Variants in NDUFAF2 observed in about 807,000 individuals in gnomAD.
NDUFAF2 encodes NADH:ubiquinone oxidoreductase complex assembly factor 2, also known as NADH dehydrogenase [ubiquinone] 1 alpha subcomplex assembly factor 2.
Under a neutral mutation model 22.8 loss-of-function variants are expected in NDUFAF2, and 13 were observed. The observed-to-expected ratio is 0.57, with a 90% CI of 0.37 to 0.91. NDUFAF2 has a LOEUF of 0.91. NDUFAF2 is among the 40% of genes least tolerant of loss of function. The pLI is 0.01. For missense variants in NDUFAF2, 162 were observed against 195.2 expected (o/e 0.83, Z 1.01); for synonymous variants, 53 against 64.2 (o/e 0.83, Z 0.84).
chr5:61,033,015 T>C (rs1296792569), intron 1 of NDUFAF2, among the ~76,000 whole-genome samples: 2 of 152,216 alleles, frequency 1.3e-5, no homozygotes, highest in African/African-American at 4.8e-5. Context: ...TTTCATGATA[T>C]TGAGTCTTCC....
chr5:60,997,463 A>T (rs574650206), intron 1 of NDUFAF2, among the ~76,000 whole-genome samples: 42 of 152,322 alleles, frequency 2.8e-4, no homozygotes, highest in African/African-American at 9.4e-4. Context: ...CATATAAGGG[A>T]TTGTTTAGAT....
chr5:61,020,036 A>G (rs1159754744), intron 1 of NDUFAF2, among the ~76,000 whole-genome samples: 1 of 152,080 alleles, frequency 6.6e-6, no homozygotes, highest in Non-Finnish European at 1.5e-5. Flanking sequence ...TCTTTGATCC[A>G]TTTTGATAAT....
At chr5:61,129,759 T>C in intron 3 of NDUFAF2, among the ~76,000 whole-genome samples, 1 of 152,116 alleles carries the variant, frequency 6.6e-6, no homozygotes. Flanking sequence ...ACCTGCACGT[T>C]GTACACATGT....
At chr5:61,041,756 T>C (rs189782765) in intron 1 of NDUFAF2, among the ~76,000 whole-genome samples, 126 of 152,306 alleles carry the variant, frequency 8.3e-4, no homozygotes, top group African/African-American at 2.8e-3. Flanking sequence ...AGAGTCATTG[T>C]TCTTAGTTGG....
At chr5:61,051,825 T>C (rs1472376484) in intron 1 of NDUFAF2, among the ~76,000 whole-genome samples, 1 of 152,116 alleles carries the variant, frequency 6.6e-6, no homozygotes, top group East Asian at 1.9e-4. Flanking sequence ...GGGGAAAAAG[T>C]AGAACCAGAT....
At chr5:61,017,744 A>T (rs1219779772) in intron 1 of NDUFAF2, among the ~76,000 whole-genome samples, 1 of 148,216 alleles carries the variant, frequency 6.7e-6, no homozygotes, top group Non-Finnish European at 1.5e-5. Flanking sequence ...GTCTCTTTGT[A>T]TTTATTTATT....
At chr5:61,062,003 A>G (rs1752170556) in intron 1 of NDUFAF2, among the ~76,000 whole-genome samples, 1 of 152,210 alleles carries the variant, frequency 6.6e-6, no homozygotes, top group African/African-American at 2.4e-5. Context: ...ACATAGAACC[A>G]GAGCCACCAC....
At position 61,090,442 on chromosome 5, in the gene NDUFAF2, T is replaced by A. The variant is rs566181945; in HGVS notation, c.218-8550T>A. 2.0e-3 allele frequency among the ~76,000 whole-genome samples: 311 copies of A among 152,240 alleles called. 2 individuals are homozygous for A. The highest frequency in any genetic ancestry group is 7.2e-3 in the African/African-American group (300 of 41,572). On this transcript the variant is annotated intron_variant, in intron 2 of 3. Transcript: ENST00000296597. ...TCATGAAATACTGTTCGTCTTTTGA[T>A]GTTTTTGCAACCATTAAAAAAATGT... is the stretch of plus-strand genomic sequence containing the variant.
chr5:61,027,246 G>A (rs938584056), intron 1 of NDUFAF2, among the ~76,000 whole-genome samples: 7 of 150,530 alleles, frequency 4.7e-5, no homozygotes, highest in African/African-American at 1.7e-4. Flanking sequence ...TATTGTAATT[G>A]GAAAAGAAGA....
intron 1 of NDUFAF2, among the ~76,000 whole-genome samples, chr5:60,980,726 T>G (rs1284993518): frequency 6.6e-6 from 1 of 152,086 alleles, no homozygotes; most frequent in Non-Finnish European, 1.5e-5. Context: ...TGAGCTGAGA[T>G]TGCACCACTG....
At chr5:61,055,425 G>A (rs1752075479) in intron 1 of NDUFAF2, among the ~76,000 whole-genome samples, 1 of 152,140 alleles carries the variant, frequency 6.6e-6, no homozygotes. Flanking sequence ...GTTTTTGAAA[G>A]GAGATATGAA....
chr5:61,141,202 G>T (rs1741050684), intron 3 of NDUFAF2, among the ~76,000 whole-genome samples: 1 of 149,150 alleles, frequency 6.7e-6, no homozygotes, highest in South Asian at 2.2e-4. Context: ...ACTCCAGCCT[G>T]GGCAAAAACA....
intron 1 of NDUFAF2, among the ~76,000 whole-genome samples, chr5:61,038,221 T>C (rs573164251): frequency 6.6e-6 from 1 of 152,002 alleles, no homozygotes; most frequent in Non-Finnish European, 1.5e-5. Context: ...ACATAGATCA[T>C]CAAAAATAAA....
chr5:61,081,107 C>T (rs1016020229), intron 2 of NDUFAF2, among the ~76,000 whole-genome samples: 16 of 152,028 alleles, frequency 1.1e-4, no homozygotes, highest in Non-Finnish European at 2.1e-4. Flanking sequence ...ATTGAATTGC[C>T]TTAGCACCTT....
chr5:61,110,666 C>A (rs1752828703), intron 3 of NDUFAF2, among the ~76,000 whole-genome samples: 1 of 151,892 alleles, frequency 6.6e-6, no homozygotes, highest in Non-Finnish European at 1.5e-5. Flanking sequence ...ATTGTAATGT[C>A]TCCTTTTTCA....
intron 1 of NDUFAF2, among the ~76,000 whole-genome samples, chr5:61,017,167 C>G (rs192557826): frequency 8.2e-4 from 125 of 152,218 alleles, no homozygotes; most frequent in Non-Finnish European, 1.5e-3. Context: ...GTAGTAAGTT[C>G]TAAAATAACT....
intron 1 of NDUFAF2, among the ~76,000 whole-genome samples, chr5:60,973,081 A>T (rs924578887): frequency 6.6e-6 from 1 of 152,070 alleles, no homozygotes; most frequent in African/African-American, 2.4e-5. Flanking sequence ...AGTATATAAC[A>T]TATAATTAGG....
intron 2 of NDUFAF2, among the ~76,000 whole-genome samples, chr5:61,089,880 GA>G (rs1166824848): frequency 2.0e-5 from 3 of 151,382 alleles, no homozygotes; most frequent in African/African-American, 7.3e-5. Context: ...AACTACTTTG[GA>G]ATTTTTTTAA....
chr5:60,998,833 CTTG>C (rs1751260158), intron 1 of NDUFAF2, among the ~76,000 whole-genome samples: 1 of 151,526 alleles, frequency 6.6e-6, no homozygotes, highest in Non-Finnish European at 1.5e-5. Context: ...GGCTAGCTAA[CTTG>C]TTGTTAAGGT....
Sources: allele counts gnomAD v4.1 joint callset (sites outside exome capture counted in the v4.1 genomes callset), GRCh38; gene constraint gnomAD v4.1.1; transcripts MANE v1.5; gene names NCBI Gene and HGNC (gene_info 2026-07-23, HGNC 2026-07-21).